The following INPP4B variants were observed in gnomAD, a reference collection of about 807,000 sequenced individuals.
INPP4B encodes inositol polyphosphate 4-phosphatase type II.
A neutral mutation model predicts 122.5 loss-of-function variants in INPP4B; 55 were observed. The observed-to-expected ratio is 0.45, with a 90% CI of 0.36 to 0.56. The LOEUF (loss-of-function observed/expected upper bound fraction) is 0.56. Ranked by LOEUF, INPP4B falls within the 20% of genes least tolerant of loss-of-function variation. The pLI is 0.00. For missense variants in INPP4B, 1,000 were observed against 1,097.7 expected, an observed-to-expected ratio of 0.91 and a Z score of 1.26; for synonymous variants, 403 against 388.7, an observed-to-expected ratio of 1.04 and a Z score of -0.43.
At chr4:142,518,258 T>G (rs975238649) in intron 2 of INPP4B, among the ~76,000 whole-genome samples, 3 of 152,158 alleles carry the variant, frequency 2.0e-5, no homozygotes, top group African/African-American at 7.2e-5. Context: ...CATCTTGATG[T>G]GTGACACCAG....
intron 1 of INPP4B, among the ~76,000 whole-genome samples, chr4:142,799,580 C>T (rs1191720598): frequency 1.3e-5 from 2 of 151,738 alleles, no homozygotes; most frequent in African/African-American, 4.8e-5. Context: ...TAAAATAGTA[C>T]ATAAAAATGT....
rs141657064 is a variant in INPP4B, at chr4:142,364,127, C to T, written c.372+38811G>A. 1.4e-4 allele frequency among the ~76,000 whole-genome samples: 22 copies of T among 152,056 alleles called. No homozygotes were observed. In the East Asian group the frequency reaches 3.1e-3, roughly 22 times the overall value. On this transcript the variant is annotated intron_variant, in intron 7 of 25. Coordinates refer to ENST00000262992, the MANE Select transcript of INPP4B (RefSeq NM_001101669.3). Reference sequence around the variant, plus strand: ...TGTGCTTGGGAATATGAGAAAACAGCAACAAAATCTTCAATAGGACTTCTC... The same window carrying T: ...TGTGCTTGGGAATATGAGAAAACAGTAACAAAATCTTCAATAGGACTTCTC...
intron 2 of INPP4B, among the ~76,000 whole-genome samples, chr4:142,493,975 T>C (rs989870783): frequency 6.6e-6 from 1 of 152,176 alleles, no homozygotes; most frequent in African/African-American, 2.4e-5. Flanking sequence ...AATCGAATCA[T>C]AGGGGTGGTT....
At chr4:142,271,037 C>T (rs549689298) in intron 9 of INPP4B, among the ~76,000 whole-genome samples, 2 of 151,852 alleles carry the variant, frequency 1.3e-5, no homozygotes, top group East Asian at 1.9e-4. Context: ...GATCTCAGCT[C>T]ACCACAACCT....
At chr4:142,661,570 T>C (rs918386859) in intron 2 of INPP4B, among the ~76,000 whole-genome samples, 4 of 152,244 alleles carry the variant, frequency 2.6e-5, no homozygotes, top group Non-Finnish European at 5.9e-5. Flanking sequence ...TCTTTTATAA[T>C]AGTTAAACAC....
intron 2 of INPP4B, among the ~76,000 whole-genome samples, chr4:142,646,165 G>T (rs576018755): frequency 6.6e-6 from 1 of 152,232 alleles, no homozygotes; most frequent in South Asian, 2.1e-4. Context: ...CCACTGGATG[G>T]TATTTTTAAT....
At chr4:142,504,896 C>A (rs72726404) in intron 2 of INPP4B, among the ~76,000 whole-genome samples, 2 of 151,778 alleles carry the variant, frequency 1.3e-5, no homozygotes, top group African/African-American at 4.8e-5. Context: ...GCTTGCATGA[C>A]GTGACGTGAT....
Position 142,145,970 on chromosome 4 carries a change from C to G in INPP4B, c.1590G>C (p.Lys530Asn). 1.2e-6 allele frequency: 2 copies of G among 1,613,584 alleles called. No individual in the cohort carries two copies. Among genetic ancestry groups the G allele is most frequent in the Non-Finnish European group, 1.7e-6 (2 of 1,179,592 alleles). ...CCATAGCAATAATGCAGTTCAGGCTCTTCCCCACATTGGCCCACACCCTGT... is the reference window on the plus strand; with the variant it reads ...CCATAGCAATAATGCAGTTCAGGCTGTTCCCCACATTGGCCCACACCCTGT... ...EWDRVWANVG[K>N]SLNCIIAMVD... is the part of the protein sequence containing the mutation. The change falls in exon 18 of 26, where the codon AAG becomes AAC. Residue 530 changes from lysine to asparagine, a missense_variant. Physicochemically the swap from Lys to Asn is moderately conservative, Grantham distance 94 (BLOSUM62 0). Coordinates refer to ENST00000262992, the MANE Select transcript of INPP4B (RefSeq NM_001101669.3).
intron 25 of INPP4B, among the ~76,000 whole-genome samples, chr4:142,079,838 T>C (rs897452933): frequency 6.6e-6 from 1 of 152,082 alleles, no homozygotes; most frequent in Non-Finnish European, 1.5e-5. Flanking sequence ...ACACTTCATT[T>C]TAATATATGC....
chr4:142,794,612 T>G (rs996561157), intron 1 of INPP4B, among the ~76,000 whole-genome samples: 4 of 151,978 alleles, frequency 2.6e-5, no homozygotes, highest in African/African-American at 9.7e-5. Flanking sequence ...CATTAAGATA[T>G]CCTGGATTAT....
At position 142,027,189 on chromosome 4, in the gene INPP4B, T is replaced by C. The variant is rs1466510260; in HGVS notation, c.*1593A>G. On this transcript the variant is annotated 3_prime_UTR_variant, in exon 26 of 26. Transcript: ENST00000262992. ...CTGCCTCAAGTATAATGCCCACAGG[T>C]AATTAGCTAAAATAAAAAATTGATA... is the stretch of plus-strand genomic sequence containing the variant. 6.6e-6 allele frequency: 1 copy of C among 152,178 alleles called. No homozygotes were observed. The highest frequency in any genetic ancestry group is 1.5e-5 in the Non-Finnish European group (1 of 68,028). 9.4% of individuals were successfully genotyped at this position (152,178 alleles called of 1,614,324 possible). A position where few individuals can be genotyped will look rare whatever the true frequency, so the allele number is the denominator to read the frequency against.
chr4:142,250,936 C>T (rs1230254566), intron 11 of INPP4B, among the ~76,000 whole-genome samples: 1 of 151,992 alleles, frequency 6.6e-6, no homozygotes, highest in Non-Finnish European at 1.5e-5. Flanking sequence ...TGCAGCTGCT[C>T]CTATCAATTT....
intron 18 of INPP4B, among the ~76,000 whole-genome samples, chr4:142,137,005 G>A (rs1201923985): frequency 2.0e-5 from 3 of 152,144 alleles, no homozygotes; most frequent in Non-Finnish European, 4.4e-5. Context: ...AGATACCAAT[G>A]AGTTTCTTCA....
chr4:142,671,656 T>A (rs1193930780), intron 2 of INPP4B, among the ~76,000 whole-genome samples: 1 of 152,144 alleles, frequency 6.6e-6, no homozygotes, highest in Non-Finnish European at 1.5e-5. Context: ...TTTGTGCATA[T>A]CGCCCTCATA....
At chr4:142,214,725 G>A (rs904288147) in intron 12 of INPP4B, among the ~76,000 whole-genome samples, 13 of 152,068 alleles carry the variant, frequency 8.5e-5, no homozygotes, top group South Asian at 2.1e-4. Flanking sequence ...GCTAATCTTC[G>A]TATTTTTAGT....
intron 15 of INPP4B, among the ~76,000 whole-genome samples, chr4:142,192,116 CTAACTTTCAAAA>C (rs1023166166): frequency 2.0e-5 from 3 of 151,382 alleles, no homozygotes; most frequent in Non-Finnish European, 4.4e-5. Flanking sequence ...CTATTTTTCC[CTAACTTTCAAAA>C]TTTGGATTCT....
chr4:142,742,150 T>C (rs548141991), intron 1 of INPP4B, among the ~76,000 whole-genome samples: 1 of 151,974 alleles, frequency 6.6e-6, no homozygotes, highest in South Asian at 2.1e-4. Flanking sequence ...CACCCTCCTA[T>C]TGATAATTGT....
intron 1 of INPP4B, among the ~76,000 whole-genome samples, chr4:142,746,551 C>T (rs1395435267): frequency 6.6e-5 from 10 of 152,174 alleles, no homozygotes; most frequent in Admixed American, 4.6e-4. Context: ...TGAAAAAGAG[C>T]CTGCATAGCC....
intron 7 of INPP4B, among the ~76,000 whole-genome samples, chr4:142,393,608 G>A (rs182301679): frequency 1.3e-5 from 2 of 152,276 alleles, no homozygotes; most frequent in African/African-American, 2.4e-5. Flanking sequence ...AACTAAATAC[G>A]GCCTGAGAAG....
Sources: gnomAD v4.1 joint callset for allele counts (sites outside exome capture counted in the v4.1 genomes callset) on GRCh38, gnomAD v4.1.1 for gene constraint, MANE v1.5 for transcripts, NCBI Gene and HGNC (gene_info 2026-07-23, HGNC 2026-07-21) for gene names.